Variants in SORCS2 observed in about 807,000 individuals in gnomAD.
SORCS2 encodes sortilin related VPS10 domain containing receptor 2, also known as VPS10 domain-containing receptor SorCS2.
Under a neutral mutation model 141.6 loss-of-function variants are expected in SORCS2, and 100 were observed. The observed-to-expected ratio is 0.71, with a 90% CI of 0.60 to 0.83. The LOEUF (loss-of-function observed/expected upper bound fraction) is 0.83. Ranked by LOEUF, SORCS2 falls within the 40% of genes least tolerant of loss-of-function variation. The pLI is 0.00. For synonymous variants in SORCS2, 789 were observed against 676.9 expected, an observed-to-expected ratio of 1.17 and a Z score of -2.57; for missense variants, 1,646 against 1,560.2, an observed-to-expected ratio of 1.05 and a Z score of -0.93.
intron 2 of SORCS2, among the ~76,000 whole-genome samples, chr4:7,468,074 C>G (rs75661223): frequency 0.021 from 3,262 of 152,324 alleles, 117 homozygotes; most frequent in African/African-American, 0.075. Flanking sequence ...CCAGCTCCCG[C>G]ATCTGTTTCC....
chr4:7,691,886 A>G (rs1405104683), intron 11 of SORCS2, among the ~76,000 whole-genome samples: 8 of 151,914 alleles, frequency 5.3e-5, no homozygotes, highest in Admixed American at 2.6e-4. Context: ...CGGTCTCCCA[A>G]CATCTCTCAG....
chr4:7,622,008 G>C (rs1719226899), intron 3 of SORCS2, among the ~76,000 whole-genome samples: 1 of 152,142 alleles, frequency 6.6e-6, no homozygotes, highest in Non-Finnish European at 1.5e-5. Context: ...TGATATCCGG[G>C]TGTGCGATTT....
chr4:7,720,980 C>T (rs1213055021), intron 18 of SORCS2, among the ~76,000 whole-genome samples: 1 of 152,234 alleles, frequency 6.6e-6, no homozygotes, highest in Non-Finnish European at 1.5e-5. Flanking sequence ...AGCACTTGCA[C>T]TCATGGCGGT....
chr4:7,459,335 G>T (rs1370736104), intron 2 of SORCS2, among the ~76,000 whole-genome samples: 1 of 152,164 alleles, frequency 6.6e-6, no homozygotes, highest in African/African-American at 2.4e-5. Context: ...GGCAGGCCTT[G>T]TACTAGGGAG....
chr4:7,505,487 A>G (rs1480765759), intron 2 of SORCS2, among the ~76,000 whole-genome samples: 1 of 152,048 alleles, frequency 6.6e-6, no homozygotes, highest in Non-Finnish European at 1.5e-5. Flanking sequence ...ATGGAAGTTG[A>G]GCCCAGAGAC....
At chr4:7,700,116 C>G (rs1159461050) in intron 12 of SORCS2, among the ~76,000 whole-genome samples, 1 of 152,224 alleles carries the variant, frequency 6.6e-6, no homozygotes, top group Non-Finnish European at 1.5e-5. Flanking sequence ...GCCCTCCAGG[C>G]CTTTGCCCCT....
chr4:7,446,504 T>C (rs1728012473), intron 2 of SORCS2, among the ~76,000 whole-genome samples: 1 of 152,202 alleles, frequency 6.6e-6, no homozygotes, highest in African/African-American at 2.4e-5. Context: ...ATCGTTCCAA[T>C]CAACTCAGAT....
At chr4:7,263,823 G>A (rs573203407) in intron 1 of SORCS2, among the ~76,000 whole-genome samples, 2 of 152,336 alleles carry the variant, frequency 1.3e-5, no homozygotes, top group East Asian at 1.9e-4. Context: ...TCATGGTCAA[G>A]TTCCACCCCG....
At chr4:7,379,150 C>T (rs1331872033) in intron 1 of SORCS2, among the ~76,000 whole-genome samples, 1 of 152,176 alleles carries the variant, frequency 6.6e-6, no homozygotes, top group East Asian at 1.9e-4. Flanking sequence ...TGGAGGGAGG[C>T]ACATCCGAGT....
intron 1 of SORCS2, among the ~76,000 whole-genome samples, chr4:7,385,284 G>A (rs1723222334): frequency 6.6e-6 from 1 of 152,180 alleles, no homozygotes; most frequent in Admixed American, 6.5e-5. Flanking sequence ...TCCTCTCCCT[G>A]GTAAATAAAT....
intron 2 of SORCS2, chr4:7,434,318 C>G (rs777470981): frequency 1.2e-6 from 2 of 1,611,444 alleles, no homozygotes; most frequent in Non-Finnish European, 1.7e-6. Flanking sequence ...ACCTGCCGTA[C>G]ACAGTCTTGG....
chr4:7,502,595 A>T (rs1368194787), intron 2 of SORCS2, among the ~76,000 whole-genome samples: 1 of 152,154 alleles, frequency 6.6e-6, no homozygotes, highest in Non-Finnish European at 1.5e-5. Context: ...GGCTCCCTTG[A>T]TCACCTTGTC....
chr4:7,733,488 C>T (rs2285775), intron 24 of SORCS2, 67 bp downstream of exon 24: 165,673 of 1,292,590 alleles, frequency 0.13, 11,021 homozygotes, highest in East Asian at 0.22. Context: ...GAAGCCATGT[C>T]CCTGCAGGGC....
At chr4:7,242,490 A>C (rs959938260) in intron 1 of SORCS2, among the ~76,000 whole-genome samples, 2 of 152,016 alleles carry the variant, frequency 1.3e-5, no homozygotes, top group Non-Finnish European at 2.9e-5. Context: ...AGTGTGAGCC[A>C]CTGCACTGGT....
intron 1 of SORCS2, among the ~76,000 whole-genome samples, chr4:7,290,815 C>CATTCATTA (rs1246398693): frequency 6.6e-6 from 1 of 151,996 alleles, no homozygotes; most frequent in African/African-American, 2.4e-5. Context: ...TTCATTCATT[C>CATTCATTA]ATTCAGTGAA....
At position 7,568,772 on chromosome 4, in the gene SORCS2, C is replaced by T. The variant is rs185340072; in HGVS notation, c.648+37143C>T. ...AACCCACAGTTTGGGAACCATAGTG[C>T]TATCCAGTAGAAGTCTATTGCAATT... On this transcript the variant is annotated intron_variant, in intron 3 of 26. Transcript: ENST00000507866. Among the ~76,000 whole-genome samples, 536 of 152,342 alleles carry T rather than the reference C, an allele frequency of 3.5e-3. 1 individual carries two copies. The highest frequency in any genetic ancestry group is 5.8e-3 in the Admixed American group (89 of 15,308).
At chr4:7,238,296 G>GC (rs1048954008) in intron 1 of SORCS2, among the ~76,000 whole-genome samples, 1 of 152,066 alleles carries the variant, frequency 6.6e-6, no homozygotes, top group African/African-American at 2.4e-5. Context: ...AGTCTGGGGG[G>GC]GGTTGCTGGT....
intron 1 of SORCS2, among the ~76,000 whole-genome samples, chr4:7,291,450 C>T (rs1216306270): frequency 1.3e-5 from 2 of 152,010 alleles, no homozygotes; most frequent in Non-Finnish European, 2.9e-5. Flanking sequence ...AGAAGGCTTT[C>T]ATCATGAGGG....
At chr4:7,391,738 C>T (rs747567719) in intron 1 of SORCS2, among the ~76,000 whole-genome samples, 2 of 152,168 alleles carry the variant, frequency 1.3e-5, no homozygotes, top group Non-Finnish European at 2.9e-5. Flanking sequence ...TTCTCTGAAC[C>T]TCAGTTTCCT....
Sources: gnomAD v4.1 joint callset for allele counts (sites outside exome capture counted in the v4.1 genomes callset) on GRCh38, gnomAD v4.1.1 for gene constraint, MANE v1.5 for transcripts, NCBI Gene and HGNC (gene_info 2026-07-23, HGNC 2026-07-21) for gene names.